PCGF3: variants seen among roughly 807,000 people sequenced by gnomAD.
PCGF3 encodes polycomb group RING finger protein 3.
Under a neutral mutation model 33.1 loss-of-function variants are expected in PCGF3, and 7 were observed. The ratio of observed to expected loss-of-function variants is 0.21; its 90% confidence interval spans 0.12 to 0.40. The LOEUF (loss-of-function observed/expected upper bound fraction) is 0.40, where lower values mean the gene tolerates loss of function less well. Among genes scored for constraint, PCGF3 ranks in the 10% least tolerant of loss-of-function variants. The pLI is 1.00. For missense variants in PCGF3, 211 were observed against 313.3 expected, an observed-to-expected ratio of 0.67 and a Z score of 2.46; for synonymous variants, 153 against 121.3, an observed-to-expected ratio of 1.26 and a Z score of -1.72.
chr4:761,860 G>T, intron 9 of PCGF3: 1 of 985,418 alleles, frequency 1.0e-6, no homozygotes, highest in Non-Finnish European at 1.2e-6. Flanking sequence ...GTCCCTGTGA[G>T]CCCCCAAGGC....
chr4:732,380 C>T (rs1266398711), intron 3 of PCGF3: 3 of 157,678 alleles, frequency 1.9e-5, no homozygotes, highest in South Asian at 3.1e-4. Flanking sequence ...TCCTTCCCCT[C>T]CCTCTCCCTT....
chr4:761,397 A>G (rs1745047465), exon 9 of PCGF3: 2 of 1,609,586 alleles, frequency 1.2e-6, no homozygotes, highest in Non-Finnish European at 1.7e-6. Flanking sequence ...AAAAAACTCA[A>G]CCTTTCATCC....
At chr4:708,913 C>A (rs1742448295) in intron 1 of PCGF3, among the ~76,000 whole-genome samples, 1 of 152,238 alleles carries the variant, frequency 6.6e-6, no homozygotes, top group African/African-American at 2.4e-5. Context: ...ATTAAAGGAT[C>A]CTGGTGGTGA....
chr4:755,077 G>A (rs956290557), intron 8 of PCGF3, among the ~76,000 whole-genome samples: 6 of 152,232 alleles, frequency 3.9e-5, no homozygotes, highest in Non-Finnish European at 4.4e-5. Flanking sequence ...TGCATTTCGA[G>A]GTGTGTAACG....
intron 1 of PCGF3, among the ~76,000 whole-genome samples, chr4:715,493 A>AG (rs1742783017): frequency 8.3e-6 from 1 of 121,142 alleles, no homozygotes; most frequent in South Asian, 2.7e-4. Context: ...GGGACCCTAT[A>AG]GACACTGAGT....
chr4:715,190 A>G, intron 1 of PCGF3, among the ~76,000 whole-genome samples: 1 of 137,472 alleles, frequency 7.3e-6, no homozygotes. Flanking sequence ...CCCTGTAGAC[A>G]CTGCGAGTGT....
chr4:715,760 CTG>C (rs1185266558), intron 1 of PCGF3, among the ~76,000 whole-genome samples: 59 of 64,296 alleles, frequency 9.2e-4, no homozygotes, highest in Admixed American at 1.4e-3. Context: ...CCTGTGGACA[CTG>C]TGAGTGTGAG....
exon 11 of PCGF3, chr4:768,262 G>C (rs1419603739): frequency 6.6e-6 from 1 of 152,666 alleles, no homozygotes; most frequent in Non-Finnish European, 1.5e-5. Context: ...CGTGCAGACA[G>C]TCTTCACTAC....
intron 8 of PCGF3, among the ~76,000 whole-genome samples, chr4:750,019 C>T (rs553028438): frequency 4.7e-4 from 72 of 152,116 alleles, no homozygotes; most frequent in Admixed American, 1.4e-3. Flanking sequence ...TTGCCTAGGC[C>T]GGTCTGAACT....
intron 4 of PCGF3, chr4:734,084 G>A: frequency 6.4e-7 from 1 of 1,550,730 alleles, no homozygotes; most frequent in Non-Finnish European, 8.7e-7. Flanking sequence ...AGTGCTCACT[G>A]CTGGCAGTTT....
chr4:710,376 T>G (rs1478236742), intron 1 of PCGF3, among the ~76,000 whole-genome samples: 3 of 152,194 alleles, frequency 2.0e-5, no homozygotes, highest in African/African-American at 4.8e-5. Flanking sequence ...GGAGTGACAT[T>G]CTACCACTTT....
At chr4:727,492 G>A (rs1249114482) in intron 1 of PCGF3, among the ~76,000 whole-genome samples, 5 of 151,932 alleles carry the variant, frequency 3.3e-5, no homozygotes, top group East Asian at 1.9e-4. Flanking sequence ...TGCCAGCCTC[G>A]GCCTCTCAAA....
At chr4:762,010 G>C (rs558146765) in intron 9 of PCGF3, 12 of 985,372 alleles carry the variant, frequency 1.2e-5, no homozygotes, top group Non-Finnish European at 1.4e-5. Context: ...ACGCAGGAGA[G>C]GCCAGCGCCA....
chr4:732,151 C>T lies in PCGF3; in HGVS notation c.-10+1041C>T, dbSNP rs568978238. ...AGGGGCGTAGGGCGGGGCTCCCCTC[C>T]CCTCGTGAGTGGGCGTGGTCCTCAG... On this transcript the variant is annotated intron_variant, in intron 3 of 10. Transcript: ENST00000362003. 1.5e-3 allele frequency among the ~76,000 whole-genome samples: 179 copies of T among 120,638 alleles called. 12 individuals carry two copies. The highest frequency in any genetic ancestry group is 5.6e-3 in the African/African-American group (172 of 30,506). 79.1% of individuals were successfully genotyped at this position (120,638 alleles called of 152,430 possible). A position where few individuals can be genotyped will look rare whatever the true frequency, so the allele number is the denominator to read the frequency against.
At chr4:758,443 T>C (rs1744878967) in intron 8 of PCGF3, among the ~76,000 whole-genome samples, 1 of 137,836 alleles carries the variant, frequency 7.3e-6, no homozygotes, top group Non-Finnish European at 1.5e-5. Flanking sequence ...CCCGAGTTCT[T>C]CTCCTTCCGG....
At chr4:760,846 G>A (rs201056428) in intron 8 of PCGF3, among the ~76,000 whole-genome samples, 2 of 152,208 alleles carry the variant, frequency 1.3e-5, no homozygotes, top group Admixed American at 1.3e-4. Flanking sequence ...GTGACCTTCC[G>A]CCTGTGGCCC....
exon 11 of PCGF3, chr4:769,959 G>A (rs977066028): frequency 4.6e-5 from 7 of 152,568 alleles, no homozygotes; most frequent in African/African-American, 1.4e-4. Flanking sequence ...TTGTACTCTT[G>A]GTGGCTAGTT....
At chr4:743,632 G>A (rs894259734) in intron 7 of PCGF3, 48 bp downstream of exon 7, 3 of 1,115,870 alleles carry the variant, frequency 2.7e-6, no homozygotes, top group African/African-American at 1.5e-5. Flanking sequence ...TCCCCTGCAT[G>A]AGGCCTTTTC....
intron 8 of PCGF3, among the ~76,000 whole-genome samples, chr4:761,064 G>T (rs1252232221): frequency 6.6e-6 from 1 of 152,216 alleles, no homozygotes; most frequent in East Asian, 1.9e-4. Context: ...ACAGGGTGAG[G>T]TTATAGTTCA....
Sources: allele counts gnomAD v4.1 joint callset (sites outside exome capture counted in the v4.1 genomes callset), GRCh38; gene constraint gnomAD v4.1.1; transcripts MANE v1.5; gene names NCBI Gene and HGNC (gene_info 2026-07-23, HGNC 2026-07-21).